The following NLRP3 variants were observed in gnomAD, a reference collection of about 807,000 sequenced individuals.
NLRP3 encodes the protein NLR family pyrin domain containing 3.
A neutral mutation model predicts 91.3 loss-of-function variants in NLRP3; 48 were observed. The observed-to-expected ratio is 0.53, with a 90% CI of 0.42 to 0.67. NLRP3 has a LOEUF of 0.67. Ranked by LOEUF, NLRP3 falls within the 30% of genes least tolerant of loss-of-function variation. The pLI, the probability that NLRP3 is intolerant of heterozygous loss-of-function variation, is 0.00. For synonymous variants in NLRP3, 561 were observed against 507.9 expected (o/e 1.10, Z -1.41); for missense variants, 982 against 1,276.9 (o/e 0.77, Z 3.52).
chr1:247,438,573 G>T (rs997088461), intron 7 of NLRP3, among the ~76,000 whole-genome samples: 2 of 152,146 alleles, frequency 1.3e-5, no homozygotes, highest in South Asian at 2.1e-4. Flanking sequence ...TAGTAGATAC[G>T]GGGTTTCACC....
rs77123264 is a variant in NLRP3 at position 247,437,696 on chromosome 1, C to T, written c.2663+1556C>T. 7.2e-3 allele frequency among the ~76,000 whole-genome samples: 1,098 copies of T among 152,308 alleles called. 7 individuals are homozygous for T. The highest frequency in any genetic ancestry group is 0.01 in the Non-Finnish European group (709 of 68,030). On this transcript the variant is annotated intron_variant, in intron 7 of 9. Coordinates refer to ENST00000336119, the MANE Select transcript of NLRP3 (RefSeq NM_001243133.2). Reference sequence around the variant, plus strand: ...CAGACCAAAATCCTGTTTTCACAACCGTTCTTTTAGGGAAGTGATAACAGA... The same window carrying T: ...CAGACCAAAATCCTGTTTTCACAACTGTTCTTTTAGGGAAGTGATAACAGA...
chr1:247,443,335 T>C (rs1171419690), intron 7 of NLRP3, among the ~76,000 whole-genome samples: 1 of 151,940 alleles, frequency 6.6e-6, no homozygotes, highest in African/African-American at 2.4e-5. Context: ...ACTCAAGCGA[T>C]CCTCCCACCT....
intron 9 of NLRP3, among the ~76,000 whole-genome samples, chr1:247,448,101 C>T (rs1664707829): frequency 6.6e-6 from 1 of 151,664 alleles, no homozygotes; most frequent in African/African-American, 2.4e-5. Flanking sequence ...TCAGCCACTC[C>T]AGGCTGGGGT....
rs1558185391 is a variant in NLRP3 at position 247,418,923 on chromosome 1, G to T, written c.123G>T (p.Arg41Ser). The change falls in exon 2 of 10, where the codon AGG becomes AGT. Residue 41 changes from arginine to serine, a missense_variant. Arg to Ser is a moderately radical substitution (Grantham distance 110, BLOSUM62 -1). Around this residue, in one of 5 missense-constraint regions of NLRP3, gnomAD observed 548 missense variants for 713.7 expected, o/e 0.77. Coordinates refer to ENST00000336119, the MANE Select transcript of NLRP3 (RefSeq NM_001243133.2). ...AGAAGGGCTGCATCCCCCTCCCGAG[G>T]GGTCAGACAGAGAAGGCAGACCATG... is the stretch of plus-strand genomic sequence containing the variant. ...PPQKGCIPLP[R>S]GQTEKADHVD... 1.2e-6 allele frequency: 2 copies of T among 1,614,110 alleles called. No individual in the cohort carries two copies. The highest frequency in any genetic ancestry group is 1.7e-6 in the Non-Finnish European group (2 of 1,180,028).
At chr1:247,438,390 T>TTG (rs201700441) in intron 7 of NLRP3, among the ~76,000 whole-genome samples, 5,206 of 144,376 alleles carry the variant, frequency 0.036, 190 homozygotes, top group Admixed American at 0.098. Context: ...TTTTTTTTTT[T>TTG]TTTTTTTTTT....
At chr1:247,423,382 T>G (rs755872573) in intron 3 of NLRP3, 33 bp downstream of exon 3, 90 of 1,613,012 alleles carry the variant, frequency 5.6e-5, no homozygotes, top group Non-Finnish European at 7.0e-5. Flanking sequence ...CTAGTTGAGT[T>G]TTAAGACCTG....
At chr1:247,434,644 C>G (rs1663655031) in intron 6 of NLRP3, among the ~76,000 whole-genome samples, 1 of 152,152 alleles carries the variant, frequency 6.6e-6, no homozygotes, top group Non-Finnish European at 1.5e-5. Context: ...GCAATGCAGA[C>G]CCTCGATGTT....
At chr1:247,439,525 CAA>C (rs1230375797) in intron 7 of NLRP3, among the ~76,000 whole-genome samples, 2 of 152,162 alleles carry the variant, frequency 1.3e-5, no homozygotes, top group Non-Finnish European at 2.9e-5. Flanking sequence ...CTCCATGTCC[CAA>C]GTTTCCCTGT....
rs530556337 is a variant in NLRP3 at position 247,423,699 on chromosome 1, C to T, written c.398-148C>T. On this transcript the variant is annotated intron_variant, in intron 3 of 9. Transcript: ENST00000336119. Reference sequence around the variant, plus strand: ...TTAAAAACTTGACACCAGAGATTCTCGGCACCTTTCCTACCCAGTGGGGAG... The same window carrying T: ...TTAAAAACTTGACACCAGAGATTCTTGGCACCTTTCCTACCCAGTGGGGAG... 199 of 773,816 alleles carry T rather than the reference C, an allele frequency of 2.6e-4. No homozygotes were observed. The South Asian group carries it at 2.7e-3, about 11-fold the overall frequency. The allele number at this position is 773,816 out of a possible 1,614,324, so 47.9% of individuals were successfully genotyped here.
At chr1:247,433,837 A>G (rs28681541) in intron 5 of NLRP3, among the ~76,000 whole-genome samples, 5,264 of 102,276 alleles carry the variant, frequency 0.051, 548 homozygotes, top group Non-Finnish European at 0.069. Context: ...TCTCTATTCC[A>G]GAGCTCTCTT....
intron 5 of NLRP3, among the ~76,000 whole-genome samples, chr1:247,432,129 C>T (rs10925018): frequency 0.35 from 53,424 of 152,082 alleles, 10,494 homozygotes; most frequent in South Asian, 0.46. Flanking sequence ...GTGATCCACC[C>T]GCCTCGGCCT....
At chr1:247,427,814 C>A (rs1259619137) in intron 4 of NLRP3, among the ~76,000 whole-genome samples, 4 of 52,386 alleles carry the variant, frequency 7.6e-5, no homozygotes, top group African/African-American at 1.4e-4. Flanking sequence ...CACCTTCCTT[C>A]CTCTGAGGAC....
Position 247,423,161 on chromosome 1 carries a change from A to G in NLRP3, c.278-69A>G. ...GGTCTCCTCTCTCATGCCAAATATTAGGCCAGGTTTCAATTGCATCCTCTG... is the reference window on the plus strand; with the variant it reads ...GGTCTCCTCTCTCATGCCAAATATTGGGCCAGGTTTCAATTGCATCCTCTG... On this transcript the variant is annotated intron_variant, in intron 2 of 9. Transcript: ENST00000336119. The G allele has an allele frequency of 1.9e-6, 3 of 1,605,110 alleles. No individual in the cohort carries two copies. The Admixed American group carries it at 5.0e-5, about 27-fold the overall frequency.
intron 2 of NLRP3, among the ~76,000 whole-genome samples, chr1:247,420,730 T>A (rs1662395879): frequency 8.1e-6 from 1 of 122,924 alleles, no homozygotes; most frequent in Admixed American, 9.0e-5. Context: ...AAAAAATTTT[T>A]TTTTCTTGTA....
intron 7 of NLRP3, among the ~76,000 whole-genome samples, chr1:247,439,427 T>C (rs1034322792): frequency 5.9e-5 from 9 of 152,162 alleles, no homozygotes. Flanking sequence ...TGCTGACACA[T>C]TTTGCCATTC....
At chr1:247,442,297 C>T (rs10157379) in intron 7 of NLRP3, among the ~76,000 whole-genome samples, 91,999 of 151,998 alleles carry the variant, frequency 0.61, 27,945 homozygotes, top group Non-Finnish European at 0.62. Context: ...TTTCCTGCCT[C>T]GTAGACACCA....
intron 7 of NLRP3, 35 bp from the exon 8 acceptor site, chr1:247,443,937 G>C (rs1454967720): frequency 6.2e-7 from 1 of 1,609,120 alleles, no homozygotes; most frequent in African/African-American, 1.3e-5. Flanking sequence ...GGGAACAGCT[G>C]GGTACTGAGG....
In NLRP3 at chr1:247,429,870, CTTTTTCTT is replaced by C. The variant is rs934840267; in HGVS notation, c.2321+129_2321+136del. On this transcript the variant is annotated intron_variant, in intron 5 of 9. Coordinates refer to ENST00000336119, the MANE Select transcript of NLRP3 (RefSeq NM_001243133.2). Reference sequence around the variant, plus strand: ...GTTGCTGGTGTGGTTTCTTTCTTTTCTTTTTCTTTTTTTCTTTTTTTGAGGCAGAGTTT... The same window carrying C: ...GTTGCTGGTGTGGTTTCTTTCTTTTCTTTTTCTTTTTTTGAGGCAGAGTTT... The C allele has an allele frequency of 2.1e-5, 28 of 1,362,034 alleles. 1 individual carries two copies. The highest frequency in any genetic ancestry group is 1.7e-4 in the South Asian group (14 of 80,830). 84.4% of individuals were successfully genotyped at this position (1,362,034 alleles called of 1,614,324 possible).
intron 7 of NLRP3, among the ~76,000 whole-genome samples, chr1:247,442,178 A>G (rs1382063899): frequency 6.6e-6 from 1 of 152,224 alleles, no homozygotes; most frequent in Non-Finnish European, 1.5e-5. Flanking sequence ...TTTCAGTTTG[A>G]CTCTTCCTTA....
Sources: gnomAD v4.1 joint callset for allele counts (sites outside exome capture counted in the v4.1 genomes callset) on GRCh38, gnomAD v4.1.1 for gene constraint, gnomAD v4.1.1 regional missense constraint, MANE v1.5 for transcripts, NCBI Gene and HGNC (gene_info 2026-07-23, HGNC 2026-07-21) for gene names.